The following SCMH1 variants were observed in gnomAD, a reference collection of about 807,000 sequenced individuals.
SCMH1 encodes polycomb protein SCMH1.
A neutral mutation model predicts 70.8 loss-of-function variants in SCMH1; 37 were observed. The observed-to-expected ratio is 0.52, with a 90% CI of 0.40 to 0.69. The LOEUF is 0.69. Among genes scored for constraint, SCMH1 ranks in the 30% least tolerant of loss-of-function variants. SCMH1 has a pLI of 0.00. For missense variants in SCMH1, 607 were observed against 827.3 expected (o/e 0.73, Z 3.27); for synonymous variants, 292 against 307.4 (o/e 0.95, Z 0.52).
chr1:41,211,358 A>G (rs1462393421), intron 1 of SCMH1, among the ~76,000 whole-genome samples: 4 of 152,250 alleles, frequency 2.6e-5, no homozygotes, highest in African/African-American at 9.6e-5. Context: ...TGGGCAAAGG[A>G]TATGAATACA....
intron 7 of SCMH1, among the ~76,000 whole-genome samples, chr1:41,115,021 A>T (rs1022752162): frequency 1.3e-5 from 2 of 152,116 alleles, no homozygotes; most frequent in African/African-American, 4.8e-5. Context: ...ACATTTAAAA[A>T]TTTCCTCTAT....
chr1:41,133,580 T>G (rs1642746023), intron 6 of SCMH1, among the ~76,000 whole-genome samples: 1 of 151,824 alleles, frequency 6.6e-6, no homozygotes, highest in Admixed American at 6.6e-5. Context: ...ATCAAATGGA[T>G]GCAATAAAAA....
chr1:41,153,397 G>A (rs1330487623), intron 4 of SCMH1, among the ~76,000 whole-genome samples: 1 of 152,192 alleles, frequency 6.6e-6, no homozygotes, highest in Non-Finnish European at 1.5e-5. Flanking sequence ...AGGAAGCACA[G>A]ATCAAGAGTT....
At chr1:41,190,472 G>A (rs1371738320) in intron 1 of SCMH1, among the ~76,000 whole-genome samples, 2 of 152,176 alleles carry the variant, frequency 1.3e-5, no homozygotes. Flanking sequence ...GGGAAGGAGA[G>A]GCATGAATTT....
intron 2 of SCMH1, among the ~76,000 whole-genome samples, chr1:41,172,089 G>C (rs1325116196): frequency 6.6e-6 from 1 of 151,690 alleles, no homozygotes; most frequent in Non-Finnish European, 1.5e-5. Flanking sequence ...CTACTTGGAG[G>C]CTGAGGTGGG....
chr1:41,179,331 T>C (rs1023512868), intron 2 of SCMH1, among the ~76,000 whole-genome samples: 4 of 151,914 alleles, frequency 2.6e-5, no homozygotes, highest in African/African-American at 9.7e-5. Context: ...GCAAACACAT[T>C]CAAAAGTTAG....
At chr1:41,212,462 G>T (rs1436493219) in intron 1 of SCMH1, among the ~76,000 whole-genome samples, 4 of 152,136 alleles carry the variant, frequency 2.6e-5, no homozygotes, top group African/African-American at 4.8e-5. Context: ...GATGACAAAA[G>T]ATTTTACAAA....
In SCMH1 at chr1:41,227,275, T is replaced by C. The variant is rs536281987; in HGVS notation, c.-118+14784A>G. Among the ~76,000 whole-genome samples the C allele has an allele frequency of 2.6e-5, 4 of 152,340 alleles. No homozygotes were observed. The South Asian group carries it at 8.3e-4, about 32-fold the overall frequency. On this transcript the variant is annotated intron_variant, in intron 1 of 14. Transcript: ENST00000337495. ...CTGAGACTTAGCACATGCTGTTTGCTCTGCCTGGGAGTGTCTTCCTCTGAC... is the reference window on the plus strand; with the variant it reads ...CTGAGACTTAGCACATGCTGTTTGCCCTGCCTGGGAGTGTCTTCCTCTGAC...
chr1:41,123,362 T>C (rs1672410833), intron 6 of SCMH1, among the ~76,000 whole-genome samples: 2 of 152,234 alleles, frequency 1.3e-5, no homozygotes, highest in South Asian at 2.1e-4. Context: ...TTGAAGTTAC[T>C]GTATATACTA....
intron 6 of SCMH1, among the ~76,000 whole-genome samples, chr1:41,118,138 T>C (rs147499109): frequency 6.6e-6 from 1 of 152,322 alleles, no homozygotes; most frequent in East Asian, 1.9e-4. Flanking sequence ...AATCACAGAC[T>C]GTTAAGAAAG....
At chr1:41,109,471 C>G (rs999956139) in intron 8 of SCMH1, among the ~76,000 whole-genome samples, 2 of 152,156 alleles carry the variant, frequency 1.3e-5, no homozygotes, top group African/African-American at 4.8e-5. Context: ...CACATTTTTT[C>G]CACATTGCAT....
At chr1:41,141,109 T>C (rs1644028282) in intron 6 of SCMH1, among the ~76,000 whole-genome samples, 1 of 152,070 alleles carries the variant, frequency 6.6e-6, no homozygotes, top group Non-Finnish European at 1.5e-5. Flanking sequence ...TCAAAATAAC[T>C]AAATAGTTGA....
At chr1:41,123,432 T>C (rs1672424859) in intron 6 of SCMH1, among the ~76,000 whole-genome samples, 1 of 152,198 alleles carries the variant, frequency 6.6e-6, no homozygotes, top group Admixed American at 6.5e-5. Flanking sequence ...CTCACTTGAC[T>C]AGGGGCCTCA....
At chr1:41,038,190 C>A (rs1329122017) in intron 12 of SCMH1, 1 of 152,194 alleles carries the variant, frequency 6.6e-6, no homozygotes, top group Admixed American at 6.5e-5. Flanking sequence ...CCCCTTTCTT[C>A]CAAGGAGTTT....
At chr1:41,064,353 T>C (rs898203451) in intron 10 of SCMH1, among the ~76,000 whole-genome samples, 1 of 152,170 alleles carries the variant, frequency 6.6e-6, no homozygotes, top group Admixed American at 6.5e-5. Flanking sequence ...ATGCCCTCTC[T>C]TACCACTCCT....
intron 1 of SCMH1, among the ~76,000 whole-genome samples, chr1:41,202,811 T>C (rs775056842): frequency 6.6e-6 from 1 of 152,132 alleles, no homozygotes; most frequent in Non-Finnish European, 1.5e-5. Context: ...TCCTAGTCTA[T>C]ATGCCTCTCC....
intron 6 of SCMH1, among the ~76,000 whole-genome samples, chr1:41,128,524 G>C (rs1363486163): frequency 1.3e-5 from 2 of 152,100 alleles, no homozygotes; most frequent in Admixed American, 1.3e-4. Context: ...AGAAGTTGCT[G>C]TCATTCTTTG....
chr1:41,148,910 C>T lies in SCMH1; in HGVS notation c.177+2704G>A, dbSNP rs774900417. ...GGTTCATAAAATTCTCCTGCCTCAG[C>T]CTCCCCAGTAGCTGGGACTACAGGT... On this transcript the variant is annotated intron_variant, in intron 5 of 14. Coordinates refer to ENST00000337495, the Ensembl canonical transcript of SCMH1. Among the ~76,000 whole-genome samples, 15 of 152,300 alleles carry T rather than the reference C, an allele frequency of 9.8e-5. No homozygotes were observed. In the Middle Eastern group the frequency reaches 0.02, roughly 207 times the overall value.
chr1:41,051,437 T>G (rs1164585650), intron 10 of SCMH1, among the ~76,000 whole-genome samples: 1 of 152,198 alleles, frequency 6.6e-6, no homozygotes, highest in Non-Finnish European at 1.5e-5. Context: ...TAAAACAGCC[T>G]CAGGCAGGTC....
Sources: gnomAD v4.1 joint callset for allele counts (sites outside exome capture counted in the v4.1 genomes callset) on GRCh38, gnomAD v4.1.1 for gene constraint, MANE v1.5 for transcripts, NCBI Gene and HGNC (gene_info 2026-07-23, HGNC 2026-07-21) for gene names.